NOVA1: variants seen among roughly 807,000 people sequenced by gnomAD.
NOVA1 encodes RNA-binding protein Nova-1.
Under a neutral mutation model 38.0 loss-of-function variants are expected in NOVA1, and 7 were observed. The observed-to-expected ratio is 0.18, with a 90% CI of 0.10 to 0.35. The LOEUF is 0.35. Among genes scored for constraint, NOVA1 ranks in the 10% least tolerant of loss-of-function variants. NOVA1 has a pLI of 1.00. For synonymous variants in NOVA1, 270 were observed against 232.5 expected (o/e 1.16, Z -1.47); for missense variants, 460 against 616.0 (o/e 0.75, Z 2.68).
chr14:26,497,284 A>G (rs1437495657), intron 2 of NOVA1, among the ~76,000 whole-genome samples: 2 of 152,168 alleles, frequency 1.3e-5, no homozygotes, highest in Non-Finnish European at 2.9e-5. Flanking sequence ...CCACTGCTCA[A>G]TGAAATAAAA....
At chr14:26,509,335 T>C (rs543233543) in intron 2 of NOVA1, among the ~76,000 whole-genome samples, 82 of 152,228 alleles carry the variant, frequency 5.4e-4, no homozygotes, top group Non-Finnish European at 1.1e-3. Flanking sequence ...GATTATGAAA[T>C]ATTGAATATC....
chr14:26,485,618 C>A (rs1041186243), intron 2 of NOVA1, among the ~76,000 whole-genome samples: 108 of 152,138 alleles, frequency 7.1e-4, no homozygotes, highest in Non-Finnish European at 1.2e-3. Flanking sequence ...AGACATTATT[C>A]AAACCAGAGT....
chr14:26,501,363 C>T (rs961003029), intron 2 of NOVA1, among the ~76,000 whole-genome samples: 8 of 151,830 alleles, frequency 5.3e-5, no homozygotes, highest in African/African-American at 9.7e-5. Context: ...CTAGGGAAGA[C>T]GAGTTAGATG....
rs577037461 is a variant in NOVA1, at chr14:26,579,035, T to C, written c.280+16375A>G. Among the ~76,000 whole-genome samples the C allele has an allele frequency of 2.7e-5, 4 of 149,814 alleles. No homozygotes were observed. In the South Asian group the frequency reaches 8.5e-4, roughly 32 times the overall value. ...TTCTCAGTTTCTTTATTTTTTTTTT[T>C]CCATAGCAGGTGGTATTCTTTTTTT... On this transcript the variant is annotated intron_variant, in intron 2 of 4. Transcript: ENST00000539517.
At position 26,448,484 on chromosome 14, in the gene NOVA1, A is replaced by G. The variant is rs768040678; in HGVS notation, c.999T>C (p.Gly333=). ...ASYGYNLNTL[G]LGLSQAAATG... is the part of the protein sequence containing the mutation. ...TTGCTGCTGCTTGACTGAGACCTAAACCTAAAGTGTTGAGATTATATCCAT... is the reference window on the plus strand; with the variant it reads ...TTGCTGCTGCTTGACTGAGACCTAAGCCTAAAGTGTTGAGATTATATCCAT... The change falls in exon 5 of 5, where the codon GGT becomes GGC. Residue 333 remains glycine (G), a synonymous_variant. Transcript: ENST00000539517. This position sits in a 1 kb window ranked among gnomAD's most constrained non-coding sequence, Gnocchi z 5.3. 1.2e-6 allele frequency: 2 copies of G among 1,613,914 alleles called. No homozygotes were observed. Among genetic ancestry groups the G allele is most frequent in the South Asian group, 2.2e-5 (2 of 91,070 alleles).
intron 2 of NOVA1, among the ~76,000 whole-genome samples, chr14:26,510,561 G>A (rs1887994412): frequency 6.6e-6 from 1 of 152,132 alleles, no homozygotes; most frequent in Non-Finnish European, 1.5e-5. Flanking sequence ...AAAATGAGAA[G>A]TACTGAGGGT....
At chr14:26,462,744 A>G (rs1034509707) in intron 4 of NOVA1, among the ~76,000 whole-genome samples, 1 of 152,178 alleles carries the variant, frequency 6.6e-6, no homozygotes, top group Non-Finnish European at 1.5e-5. Flanking sequence ...TAAAGCATCA[A>G]AAAAGTAGGA....
At chr14:26,544,587 A>G (rs1890672449) in intron 2 of NOVA1, among the ~76,000 whole-genome samples, 1 of 152,048 alleles carries the variant, frequency 6.6e-6, no homozygotes, top group African/African-American at 2.4e-5. Flanking sequence ...GACATTTTAT[A>G]TTGGAGGAGA....
chr14:26,475,226 C>A (rs912323699), intron 3 of NOVA1, among the ~76,000 whole-genome samples: 1 of 151,948 alleles, frequency 6.6e-6, no homozygotes, highest in African/African-American at 2.4e-5. Flanking sequence ...CAGACAGGGT[C>A]TCGCTTTGTT....
intron 2 of NOVA1, among the ~76,000 whole-genome samples, chr14:26,523,136 T>C (rs1164321021): frequency 6.6e-6 from 1 of 152,354 alleles, no homozygotes; most frequent in East Asian, 1.9e-4. Context: ...TACTCACCAC[T>C]GGGAAATGAC....
intron 4 of NOVA1, among the ~76,000 whole-genome samples, chr14:26,465,957 G>A (rs925833988): frequency 2.0e-5 from 3 of 152,012 alleles, no homozygotes; most frequent in East Asian, 1.9e-4. Context: ...AAAACAGCAC[G>A]ATAAAGGGAA....
chr14:26,595,929 G>A, intron 1 of NOVA1: 1 of 403,234 alleles, frequency 2.5e-6, no homozygotes, highest in Non-Finnish European at 4.8e-6. Context: ...TTTATAAGAT[G>A]ACAAACCTTC....
intron 2 of NOVA1, among the ~76,000 whole-genome samples, chr14:26,480,688 C>G (rs905594060): frequency 6.6e-6 from 1 of 151,606 alleles, no homozygotes; most frequent in Non-Finnish European, 1.5e-5. Flanking sequence ...TACTTTTTCA[C>G]TAGAATATAA....
chr14:26,562,284 T>C (rs1891876961), intron 2 of NOVA1, among the ~76,000 whole-genome samples: 1 of 152,208 alleles, frequency 6.6e-6, no homozygotes, highest in Non-Finnish European at 1.5e-5. Flanking sequence ...GGTCAGTTAC[T>C]TATTCTGCTT....
chr14:26,505,342 T>C (rs911337270), intron 2 of NOVA1, among the ~76,000 whole-genome samples: 2 of 152,076 alleles, frequency 1.3e-5, no homozygotes, highest in Non-Finnish European at 2.9e-5. Context: ...GTTTCCCCCA[T>C]GCTGTTCTGA....
chr14:26,502,156 C>T (rs1035370500), intron 2 of NOVA1, among the ~76,000 whole-genome samples: 1 of 151,528 alleles, frequency 6.6e-6, no homozygotes, highest in Admixed American at 6.6e-5. Flanking sequence ...TTTTTCTCAG[C>T]TCTCATCATT....
chr14:26,530,340 G>T (rs1889618517), intron 2 of NOVA1, among the ~76,000 whole-genome samples: 1 of 152,178 alleles, frequency 6.6e-6, no homozygotes, highest in South Asian at 2.1e-4. Context: ...ATAATATACA[G>T]CAGTAAAAAT....
intron 2 of NOVA1, among the ~76,000 whole-genome samples, chr14:26,497,535 C>T (rs908922124): frequency 8.5e-5 from 13 of 152,226 alleles, no homozygotes; most frequent in African/African-American, 3.1e-4. Flanking sequence ...ACATAATGCT[C>T]CCTTACTGAA....
At chr14:26,466,387 C>T (rs1884142164) in intron 4 of NOVA1, among the ~76,000 whole-genome samples, 1 of 152,052 alleles carries the variant, frequency 6.6e-6, no homozygotes, top group African/African-American at 2.4e-5. Flanking sequence ...TTTGGACTTA[C>T]TGTATTTAAG....
Sources: gnomAD v4.1 joint callset for allele counts (sites outside exome capture counted in the v4.1 genomes callset) on GRCh38, gnomAD v4.1.1 for gene constraint, Gnocchi (gnomAD v3.1) non-coding constraint, MANE v1.5 for transcripts, NCBI Gene and HGNC (gene_info 2026-07-23, HGNC 2026-07-21) for gene names.